CROCC: variants seen among roughly 807,000 people sequenced by gnomAD.
The protein encoded by CROCC is rootletin.
A neutral mutation model predicts 245.2 loss-of-function variants in CROCC; 180 were observed. The observed-to-expected ratio is 0.73, with a 90% CI of 0.65 to 0.83. The LOEUF (loss-of-function observed/expected upper bound fraction) is 0.83. Among genes scored for constraint, CROCC ranks in the 40% least tolerant of loss-of-function variants. CROCC has a pLI of 0.00. For synonymous variants in CROCC, 1,205 were observed against 1,241.6 expected (o/e 0.97, Z 0.62); for missense variants, 2,688 against 2,779.4 (o/e 0.97, Z 0.74).
At chr1:16,916,333 G>A (rs1011301467) in intron 1 of CROCC, among the ~76,000 whole-genome samples, 3 of 152,282 alleles carry the variant, frequency 2.0e-5, no homozygotes, top group African/African-American at 7.2e-5. Context: ...GGGTAGGGGA[G>A]GGGTATGACC....
intron 27 of CROCC, 75 bp downstream of exon 27, chr1:16,961,205 G>GTGTTCT: frequency 8.1e-7 from 1 of 1,232,906 alleles, no homozygotes; most frequent in Non-Finnish European, 1.0e-6. Flanking sequence ...ACATGGCAGG[G>GTGTTCT]TGTTTTTGTT....
chr1:16,968,346 C>T lies in CROCC; in HGVS notation c.5004C>T (p.Ser1668=), dbSNP rs549670427. The change falls in exon 31 of 37, where the codon AGC becomes AGT. Residue 1668 remains serine, a synonymous_variant. Coordinates refer to ENST00000375541, the MANE Select transcript of CROCC (RefSeq NM_014675.5). ...RRSLEGELQR[S]RLGLSDREAQ... ...CGCTTGAGGGGGAGCTGCAGCGCAG[C>T]CGCCTGGGCCTCAGTGACCGCGAGG... The T allele has an allele frequency of 1.8e-5, 28 of 1,543,926 alleles. No homozygotes were observed. The South Asian group carries it at 3.0e-4, about 16-fold the overall frequency.
At position 16,940,059 on chromosome 1, in the gene CROCC, C is replaced by G. The variant is rs530639652; in HGVS notation, c.1774C>G (p.Gln592Glu). The G allele has an allele frequency of 3.7e-6, 6 of 1,608,948 alleles. No individual in the cohort carries two copies. The South Asian group carries it at 6.6e-5, about 18-fold the overall frequency. Residue 592 changes from glutamine to glutamate, a missense_variant, in exon 13 of 37, where the codon CAG becomes GAG. By Grantham distance (29) the Gln-to-Glu change is conservative. Around this residue, in one of 9 missense-constraint regions of CROCC, gnomAD observed 972 missense variants for 895.3 expected, o/e 1.09. Coordinates refer to ENST00000375541, the MANE Select transcript of CROCC (RefSeq NM_014675.5). ...QAHEDAQREV[Q>E]RLRSANELLS... ...CCACGAGGACGCCCAGCGCGAGGTGCAGCGGCTGCGGAGCGCCAACGAGCT... is the reference window on the plus strand; with the variant it reads ...CCACGAGGACGCCCAGCGCGAGGTGGAGCGGCTGCGGAGCGCCAACGAGCT...
intron 14 of CROCC, 109 bp downstream of exon 14, chr1:16,944,391 G>A (rs558382512): frequency 1.8e-4 from 213 of 1,204,570 alleles, no homozygotes; most frequent in South Asian, 1.6e-3. Context: ...GCCTCCTACC[G>A]TCTGGACCCC....
chr1:16,926,017 G>A (rs1409698192), intron 3 of CROCC, among the ~76,000 whole-genome samples: 1 of 152,288 alleles, frequency 6.6e-6, no homozygotes, highest in African/African-American at 2.4e-5. Flanking sequence ...AGGTTGGCAG[G>A]GAAGGGAAGA....
intron 26 of CROCC, 28 bp from the exon 27 acceptor site, chr1:16,960,730 C>T (rs1158128676): frequency 1.4e-6 from 2 of 1,477,560 alleles, no homozygotes; most frequent in Non-Finnish European, 1.8e-6. Context: ...GAGGTCTTGC[C>T]GACCTCCACC....
intron 2 of CROCC, among the ~76,000 whole-genome samples, chr1:16,923,881 G>A (rs1325189177): frequency 3.9e-5 from 6 of 152,204 alleles, no homozygotes; most frequent in African/African-American, 9.6e-5. Flanking sequence ...GGGCTTCGCC[G>A]TGTTGGCCAG....
At chr1:16,929,543 A>G (rs1414679989) in intron 3 of CROCC, among the ~76,000 whole-genome samples, 1 of 152,302 alleles carries the variant, frequency 6.6e-6, no homozygotes, top group Non-Finnish European at 1.5e-5. Context: ...GGAGAGGCAC[A>G]TGGTGTACTG....
At chr1:16,930,639 G>A (rs1438475827) in intron 7 of CROCC, 45 bp downstream of exon 7, 3 of 1,571,968 alleles carry the variant, frequency 1.9e-6, no homozygotes, top group Non-Finnish European at 1.7e-6. Context: ...CAAGAGGAAG[G>A]GGCACTGCAG....
intron 3 of CROCC, among the ~76,000 whole-genome samples, chr1:16,924,764 G>A (rs2075494962): frequency 6.6e-6 from 1 of 152,284 alleles, no homozygotes; most frequent in African/African-American, 2.4e-5. Flanking sequence ...ATCTGTCCCA[G>A]GCCTGTTAGG....
Position 16,954,317 on chromosome 1 carries a change from G to A in CROCC, c.3281G>A (p.Arg1094Gln), listed in dbSNP as rs9435724. 25 of 1,611,956 alleles carry A rather than the reference G, an allele frequency of 1.6e-5. No homozygotes were observed. Among genetic ancestry groups the A allele is most frequent in the African/African-American group, 1.1e-4 (8 of 74,908 alleles). Residue 1094 changes from arginine to glutamine, a missense_variant, in exon 22 of 37, where the codon CGG becomes CAG. Transcript: ENST00000375541. This position sits in a 1 kb window ranked among gnomAD's most constrained non-coding sequence, Gnocchi z 4.4. ...SLATISLEME[R>Q]QKRDAQSRQE... ...GCCACCATCTCCCTGGAGATGGAGC[G>A]GCAGAAACGAGATGCCCAGAGCCGG...
intron 25 of CROCC, 56 bp from the exon 26 acceptor site, chr1:16,958,527 A>G (rs12097969): frequency 0.14 from 211,062 of 1,543,162 alleles, 15,991 homozygotes; most frequent in African/African-American, 0.24. Context: ...CTTGGGCCAG[A>G]ACTGGGAGGG....
At position 16,972,529 on chromosome 1, in the gene CROCC, C is replaced by T. The variant is rs1044540096; in HGVS notation, c.*83C>T. On this transcript the variant is annotated 3_prime_UTR_variant, in exon 37 of 37. Transcript: ENST00000375541. ...TTGGACAGCCCCCCCACCCAGAGCC[C>T]GGTCCCTTGGGGGCCTCAAGCTGGG... 12 of 923,382 alleles carry T rather than the reference C, an allele frequency of 1.3e-5. No homozygotes were observed. The highest frequency in any genetic ancestry group is 5.4e-5 in the South Asian group (3 of 55,380). The allele number at this position is 923,382 out of a possible 1,614,324, so 57.2% of individuals were successfully genotyped here.
chr1:16,933,663 T>G (rs2075728529), intron 8 of CROCC, among the ~76,000 whole-genome samples: 1 of 152,226 alleles, frequency 6.6e-6, no homozygotes, highest in South Asian at 2.1e-4. Context: ...CCCTCCTGGG[T>G]TCAGCAATCC....
chr1:16,955,163 G>T (rs115672989), intron 23 of CROCC, 149 bp from the exon 24 acceptor site: 2 of 794,028 alleles, frequency 2.5e-6, no homozygotes, highest in Admixed American at 4.6e-5. Context: ...ATTACAGCAC[G>T]CCTTGCTCAA....
intron 33 of CROCC, 78 bp from the exon 34 acceptor site, chr1:16,970,175 C>A: frequency 1.4e-6 from 2 of 1,398,750 alleles, no homozygotes; most frequent in Non-Finnish European, 1.9e-6. Context: ...GTGAGTGGGC[C>A]AGCCTCATTG....
chr1:16,948,342 G>T lies in CROCC; in HGVS notation c.2526G>T (p.Gln842His). 6.4e-7 allele frequency: 1 copy of T among 1,571,174 alleles called. No individual in the cohort carries two copies. Among genetic ancestry groups the T allele is most frequent in the Non-Finnish European group, 8.6e-7 (1 of 1,163,134 alleles). Residue 842 changes from glutamine (Q) to histidine (H), a missense_variant, in exon 18 of 37, where the codon CAG becomes CAT. Physicochemically the swap from Gln to His is conservative, Grantham distance 24. This residue lies in a region of CROCC where 295 missense variants were observed against 241.7 expected (regional missense o/e 1.22). Coordinates refer to ENST00000375541, the MANE Select transcript of CROCC (RefSeq NM_014675.5). ...LQEQLAQLSR[Q>H]LSGREQELEQ... ...TGGGTGGGGGCCAGCTCTCCCGGCA[G>T]CTGAGCGGGCGGGAGCAGGAGCTGG... is the stretch of plus-strand genomic sequence containing the variant.
At chr1:16,968,542 T>C (rs1267663512) in intron 31 of CROCC, 124 bp downstream of exon 31, 3 of 1,007,448 alleles carry the variant, frequency 3.0e-6, no homozygotes, top group African/African-American at 3.3e-5. Flanking sequence ...ATTTCACAGA[T>C]GGACAAATGG....
chr1:16,947,158 T>TC (rs1557614956), intron 17 of CROCC, among the ~76,000 whole-genome samples, 167 bp downstream of exon 17: 3 of 152,384 alleles, frequency 2.0e-5, no homozygotes, highest in Non-Finnish European at 4.4e-5. Flanking sequence ...CTGCCCAATC[T>TC]CCCATACCTC....
Sources: gnomAD v4.1 joint callset for allele counts (sites outside exome capture counted in the v4.1 genomes callset) on GRCh38, gnomAD v4.1.1 for gene constraint, gnomAD v4.1.1 regional missense constraint, Gnocchi (gnomAD v3.1) non-coding constraint, MANE v1.5 for transcripts, NCBI Gene and HGNC (gene_info 2026-07-23, HGNC 2026-07-21) for gene names.